NR5A2: variants seen among roughly 807,000 people sequenced by gnomAD.
NR5A2 encodes the protein nuclear receptor subfamily 5 group A member 2.
In NR5A2, 26 loss-of-function variants were observed where a neutral mutation model predicts 62.7. That is an observed-to-expected ratio of 0.41 (90% CI 0.30 to 0.58). NR5A2 has a LOEUF of 0.58. NR5A2 is among the 20% of genes least tolerant of loss of function. The pLI is 0.22. For synonymous variants in NR5A2, 246 were observed against 241.7 expected, an observed-to-expected ratio of 1.02 and a Z score of -0.16; for missense variants, 541 against 669.1, an observed-to-expected ratio of 0.81 and a Z score of 2.11.
intron 2 of NR5A2, among the ~76,000 whole-genome samples, chr1:200,040,430 G>C (rs1396170542): frequency 6.6e-6 from 1 of 152,190 alleles, no homozygotes; most frequent in Non-Finnish European, 1.5e-5. Flanking sequence ...ACAGCGGTTC[G>C]TTTATTGCCC....
intron 7 of NR5A2, among the ~76,000 whole-genome samples, chr1:200,168,350 C>T (rs773031668): frequency 4.0e-5 from 6 of 151,898 alleles, no homozygotes; most frequent in Non-Finnish European, 8.8e-5. Context: ...GCTGAGACTA[C>T]AGGCACACAC....
chr1:200,149,422 G>A (rs1184920893), intron 7 of NR5A2, among the ~76,000 whole-genome samples: 1 of 152,192 alleles, frequency 6.6e-6, no homozygotes, highest in African/African-American at 2.4e-5. Context: ...CATGGGTCCT[G>A]GGATTACTTG....
At position 200,039,938 on chromosome 1, in the gene NR5A2, C is replaced by G; in HGVS notation, c.202+143C>G. 1 of 852,122 alleles carries G rather than the reference C, an allele frequency of 1.2e-6. No individual in the cohort carries two copies. Among genetic ancestry groups the G allele is most frequent in the Non-Finnish European group, 1.7e-6 (1 of 587,710 alleles). The allele number at this position is 852,122 out of a possible 1,614,324, so 52.8% of individuals were successfully genotyped here. A position where few individuals can be genotyped will look rare whatever the true frequency, so the allele number is the denominator to read the frequency against. On this transcript the variant is annotated intron_variant, in intron 2 of 7. Transcript: ENST00000367362. This position sits in a 1 kb window ranked among gnomAD's most constrained non-coding sequence, Gnocchi z 5.1. ...AGCCGCGGGAGTCAAGCCCCCTCCC[C>G]AGGTGCAGGCATAAAAGTTTATGGC...
intron 5 of NR5A2, among the ~76,000 whole-genome samples, chr1:200,063,449 C>T (rs566102580): frequency 6.6e-6 from 1 of 152,282 alleles, no homozygotes; most frequent in East Asian, 1.9e-4. Context: ...TGAGCCACCC[C>T]GCCCGGCCTA....
At chr1:200,038,100 A>G (rs1661861334) in intron 1 of NR5A2, among the ~76,000 whole-genome samples, 1 of 152,224 alleles carries the variant, frequency 6.6e-6, no homozygotes, top group South Asian at 2.1e-4. Context: ...AATGTTTTTC[A>G]TCTTGTTGGG....
In NR5A2 at chr1:200,159,443, G is replaced by T. The variant is rs538672536; in HGVS notation, c.1379-14520G>T. On this transcript the variant is annotated intron_variant, in intron 7 of 7. Coordinates refer to ENST00000367362, the MANE Select transcript of NR5A2 (RefSeq NM_205860.3). Reference sequence around the variant, plus strand: ...ACCCAGGGATACTGGGGTTGGGCGAGAGCATAACGGGACAGTAGAGACCTC... The same window carrying T: ...ACCCAGGGATACTGGGGTTGGGCGATAGCATAACGGGACAGTAGAGACCTC... Among the ~76,000 whole-genome samples the T allele has an allele frequency of 6.6e-5, 10 of 152,202 alleles. No homozygotes were observed. The South Asian group carries it at 2.1e-3, about 32-fold the overall frequency.
At chr1:200,166,455 C>G (rs1234180312) in intron 7 of NR5A2, among the ~76,000 whole-genome samples, 1 of 152,110 alleles carries the variant, frequency 6.6e-6, no homozygotes, top group Non-Finnish European at 1.5e-5. Flanking sequence ...GTGTTACATG[C>G]CAATTTAAAT....
At chr1:200,113,978 C>T (rs1207831280) in intron 6 of NR5A2, among the ~76,000 whole-genome samples, 19 of 152,064 alleles carry the variant, frequency 1.2e-4, no homozygotes, top group Non-Finnish European at 2.9e-5. Flanking sequence ...GTCAGGGGTT[C>T]GAGACCAGCC....
chr1:200,148,584 A>AT (rs1183362821), intron 7 of NR5A2, among the ~76,000 whole-genome samples: 3 of 152,252 alleles, frequency 2.0e-5, no homozygotes, highest in Admixed American at 1.3e-4. Flanking sequence ...GAGAGGATAC[A>AT]TACATAAGGA....
At chr1:200,094,699 A>T (rs1212314187) in intron 5 of NR5A2, among the ~76,000 whole-genome samples, 1 of 149,194 alleles carries the variant, frequency 6.7e-6, no homozygotes, top group Non-Finnish European at 1.5e-5. Context: ...CGCCTGACTT[A>T]TTTTTTGTAT....
intron 1 of NR5A2, among the ~76,000 whole-genome samples, chr1:200,036,415 G>C (rs1217726923): frequency 2.0e-5 from 3 of 152,202 alleles, no homozygotes; most frequent in African/African-American, 7.2e-5. Context: ...CAAAGGACCA[G>C]AGTGAGTGCT....
At chr1:200,077,727 A>AGC (rs1553268931) in intron 5 of NR5A2, among the ~76,000 whole-genome samples, 4 of 151,728 alleles carry the variant, frequency 2.6e-5, no homozygotes, top group Admixed American at 1.3e-4. Context: ...CAGAAACAAA[A>AGC]ACAAACAAAC....
rs11802998 is a variant in NR5A2 at position 200,084,400 on chromosome 1, A to G, written c.1111-26802A>G. Among the ~76,000 whole-genome samples, 960 of 152,264 alleles carry G rather than the reference A, an allele frequency of 6.3e-3. 3 individuals carry two copies. Among genetic ancestry groups the G allele is most frequent in the African/African-American group, 0.022 (904 of 41,544 alleles). On this transcript the variant is annotated intron_variant, in intron 5 of 7. Coordinates refer to ENST00000367362, the MANE Select transcript of NR5A2 (RefSeq NM_205860.3). The stretch of plus-strand genomic sequence containing the variant: ...TTATCTTAATTGTATTCCTTTCTGA[A>G]GCTTGGAATCAAGGGAAAAAAAGAA...
At chr1:200,030,758 G>T (rs984184490) in intron 1 of NR5A2, among the ~76,000 whole-genome samples, 8 of 152,184 alleles carry the variant, frequency 5.3e-5, no homozygotes, top group Non-Finnish European at 1.0e-4. Context: ...AACTGCATTT[G>T]CAGAATATTT....
At chr1:200,030,851 C>T (rs1661522134) in intron 1 of NR5A2, among the ~76,000 whole-genome samples, 1 of 152,208 alleles carries the variant, frequency 6.6e-6, no homozygotes, top group Admixed American at 6.5e-5. Context: ...AGTGCAAACA[C>T]TGTATTGAGT....
intron 7 of NR5A2, among the ~76,000 whole-genome samples, chr1:200,125,321 C>G (rs575425068): frequency 1.1e-4 from 17 of 152,202 alleles, no homozygotes; most frequent in Non-Finnish European, 1.9e-4. Flanking sequence ...CTGTTTCCAG[C>G]AAAATGAATG....
At chr1:200,085,750 C>A (rs546777432) in intron 5 of NR5A2, among the ~76,000 whole-genome samples, 17 of 151,950 alleles carry the variant, frequency 1.1e-4, no homozygotes, top group African/African-American at 4.1e-4. Flanking sequence ...AATCCCAATG[C>A]GATTTTTGTG....
At position 200,147,543 on chromosome 1, in the gene NR5A2, T is replaced by A; in HGVS notation, c.1379-26420T>A. 1.5e-6 allele frequency: 1 copy of A among 687,838 alleles called. No homozygotes were observed. Among genetic ancestry groups the A allele is most frequent in the Non-Finnish European group, 2.7e-6 (1 of 365,472 alleles). 42.6% of individuals were successfully genotyped at this position (687,838 alleles called of 1,614,324 possible). A position where few individuals can be genotyped will look rare whatever the true frequency, so the allele number is the denominator to read the frequency against. On this transcript the variant is annotated intron_variant, in intron 7 of 7. Transcript: ENST00000367362. This position sits in a 1 kb window ranked among gnomAD's most constrained non-coding sequence, Gnocchi z 4.9. Reference sequence around the variant, plus strand: ...GCTTTTGCTGTTTCTGTGATTTCCTTGGTTTCTCCATTGGTGTGCTTAAAG... The same window carrying A: ...GCTTTTGCTGTTTCTGTGATTTCCTAGGTTTCTCCATTGGTGTGCTTAAAG...
At chr1:200,067,492 G>A in intron 5 of NR5A2, among the ~76,000 whole-genome samples, 1 of 152,172 alleles carries the variant, frequency 6.6e-6, no homozygotes, top group South Asian at 2.1e-4. Context: ...GGAGGTGGAG[G>A]TTGCTGTGAG....
Sources: gnomAD v4.1 joint callset for allele counts (sites outside exome capture counted in the v4.1 genomes callset) on GRCh38, gnomAD v4.1.1 for gene constraint, Gnocchi (gnomAD v3.1) non-coding constraint, MANE v1.5 for transcripts, NCBI Gene and HGNC (gene_info 2026-07-23, HGNC 2026-07-21) for gene names.